The following PCID2 variants were observed in gnomAD, a reference collection of about 807,000 sequenced individuals.
The protein encoded by PCID2 is PCI domain containing 2, also known as PCI domain-containing protein 2.
In PCID2, 41 loss-of-function variants were observed where a neutral mutation model predicts 61.3. The observed-to-expected ratio is 0.67, with a 90% confidence interval of 0.52 to 0.87. The LOEUF (loss-of-function observed/expected upper bound fraction) is 0.87, where lower values mean the gene tolerates loss of function less well. PCID2 is among the 40% of genes least tolerant of loss of function. The probability of loss-of-function intolerance (pLI) is 0.00; values close to 1 mark genes in which losing one functional copy is unlikely to be tolerated. For missense variants in PCID2, 392 were observed against 493.4 expected (o/e 0.79, Z 1.95); for synonymous variants, 187 against 177.8 (o/e 1.05, Z -0.41).
intron 6 of PCID2, among the ~76,000 whole-genome samples, chr13:113,193,383 T>A (rs2038767804): frequency 6.6e-6 from 1 of 152,146 alleles, no homozygotes; most frequent in African/African-American, 2.4e-5. Context: ...ATCTACAACT[T>A]TGTGATGTAG....
intron 2 of PCID2, among the ~76,000 whole-genome samples, chr13:113,199,900 C>T (rs969836875): frequency 1.5e-4 from 23 of 152,146 alleles, no homozygotes; most frequent in African/African-American, 5.1e-4. Context: ...ATGCTGCTTC[C>T]AGTAGGAACA....
At chr13:113,204,633 C>A (rs1053098078) in intron 1 of PCID2, among the ~76,000 whole-genome samples, 3 of 152,170 alleles carry the variant, frequency 2.0e-5, no homozygotes, top group Non-Finnish European at 2.9e-5. Context: ...TGCCACAGGG[C>A]CTTGAGCCCA....
chr13:113,208,499 G>A (rs2040124366), intron 1 of PCID2, 100 bp downstream of exon 1: 7 of 1,547,482 alleles, frequency 4.5e-6, no homozygotes, highest in Non-Finnish European at 6.1e-6. Flanking sequence ...AGGGTGGCGA[G>A]GCGGGAAAGG....
chr13:113,196,445 G>T (rs925293421), intron 4 of PCID2, among the ~76,000 whole-genome samples: 3 of 152,138 alleles, frequency 2.0e-5, no homozygotes, highest in Non-Finnish European at 4.4e-5. Flanking sequence ...CATACACACT[G>T]TCTCCTAAAT....
the PCID2 span, among the ~76,000 whole-genome samples, chr13:113,167,821 TCTTG>T: frequency 0.69 from 104,262 of 151,576 alleles, 36,982 homozygotes; most frequent in Middle Eastern, 0.8. Flanking sequence ...AAAGCTATCA[TCTTG>T]CTATCTTTTA....
chr13:113,172,407 T>G, the PCID2 span: 1 of 398,478 alleles, frequency 2.5e-6, no homozygotes, highest in East Asian at 6.0e-5. Context: ...CAGAAATTCT[T>G]TCCTTCTCCA....
chr13:113,207,266 AAC>A (rs1376726648), intron 1 of PCID2, among the ~76,000 whole-genome samples: 1 of 152,248 alleles, frequency 6.6e-6, no homozygotes, highest in Non-Finnish European at 1.5e-5. Flanking sequence ...TGCAAAAGGA[AAC>A]AGTTGTTTCT....
chr13:113,191,078 A>G, intron 6 of PCID2, 103 bp from the exon 7 acceptor site: 1 of 689,164 alleles, frequency 1.5e-6, no homozygotes, highest in South Asian at 2.1e-5. Context: ...CTGCAGCCTC[A>G]ACCTCCTGGG....
chr13:113,172,062 A>G, the PCID2 span: 31 of 1,612,902 alleles, frequency 1.9e-5, no homozygotes, highest in Non-Finnish European at 2.4e-5. Flanking sequence ...CTTGTCACCA[A>G]GGTCTCCAGG....
chr13:113,192,807 T>C (rs1253597768), intron 6 of PCID2, among the ~76,000 whole-genome samples: 3 of 152,166 alleles, frequency 2.0e-5, no homozygotes, highest in Admixed American at 2.0e-4. Context: ...TCTGAATGCT[T>C]GTGTCCCCTC....
chr13:113,174,506 G>GT (rs1296286540), downstream of PCID2, among the ~76,000 whole-genome samples: 1 of 152,170 alleles, frequency 6.6e-6, no homozygotes, highest in African/African-American at 2.4e-5. Context: ...TGTTTTTCTT[G>GT]TTTTTTGAGA....
rs138849394 is a variant in PCID2, at chr13:113,180,006, C to T, written c.897G>A (p.Ala299=). The change falls in exon 12 of 14, where the codon GCG becomes GCA. Residue 299 remains alanine, a synonymous_variant. Coordinates refer to ENST00000337344, the MANE Select transcript of PCID2 (RefSeq NM_001127202.4). The part of the protein sequence containing the change: ...GNLLLLHEAL[A]KHEAFFIRCG... ...AGCGAATGAAGAAGGCCTCGTGCTT[C>T]GCCAGCGCCTCGTGCAGCAGCAGCA... 188 of 1,614,134 alleles carry T rather than the reference C, an allele frequency of 1.2e-4. No individual in the cohort carries two copies. The African/African-American group carries it at 2.3e-3, about 20-fold the overall frequency.
At chr13:113,208,220 G>A (rs2040077070) in intron 1 of PCID2, 5 of 1,517,472 alleles carry the variant, frequency 3.3e-6, no homozygotes, top group Admixed American at 3.9e-5. Flanking sequence ...CTGGGAAACA[G>A]CGTCCATCCG....
chr13:113,184,035 C>A (rs369130004), intron 9 of PCID2: 1 of 983,592 alleles, frequency 1.0e-6, no homozygotes, highest in Non-Finnish European at 1.2e-6. Context: ...GCATCTATTA[C>A]AGGGTCAAAA....
downstream of PCID2, among the ~76,000 whole-genome samples, chr13:113,176,876 C>A (rs377276501): frequency 8.5e-5 from 13 of 152,188 alleles, no homozygotes; most frequent in African/African-American, 3.1e-4. Flanking sequence ...GCCGACCGTG[C>A]TGGCAACCCC....
intron 2 of PCID2, 75 bp from the exon 3 acceptor site, chr13:113,198,339 T>A: frequency 2.3e-6 from 2 of 858,384 alleles, no homozygotes; most frequent in Non-Finnish European, 3.8e-6. Flanking sequence ...GAAAGAGATT[T>A]AAACCTCTGT....
At chr13:113,195,178 A>T in intron 5 of PCID2, 53 bp from the exon 6 acceptor site, 1 of 1,121,796 alleles carries the variant, frequency 8.9e-7, no homozygotes. Flanking sequence ...CCAAGATTCC[A>T]TCCCCAGAGG....
At chr13:113,196,808 A>C (rs1429328143) in intron 4 of PCID2, among the ~76,000 whole-genome samples, 4 of 152,240 alleles carry the variant, frequency 2.6e-5, no homozygotes, top group Admixed American at 1.3e-4. Context: ...GCCGATGTAC[A>C]TCTGAGGCCA....
At chr13:113,194,879 G>C (rs2038893599) in intron 6 of PCID2, among the ~76,000 whole-genome samples, 192 bp downstream of exon 6, 2 of 152,278 alleles carry the variant, frequency 1.3e-5, no homozygotes, top group Middle Eastern at 3.4e-3. Flanking sequence ...GGAAATCTGA[G>C]CAAATGTTTA....
Sources: allele counts gnomAD v4.1 joint callset (sites outside exome capture counted in the v4.1 genomes callset), GRCh38; gene constraint gnomAD v4.1.1; transcripts MANE v1.5; gene names NCBI Gene and HGNC (gene_info 2026-07-23, HGNC 2026-07-21).